Variants in AFDN observed in about 807,000 individuals in gnomAD.
AFDN encodes the protein afadin.
In AFDN, 68 loss-of-function variants were observed where a neutral mutation model predicts 216.6. That is an observed-to-expected ratio of 0.31 (90% CI 0.26 to 0.38). The LOEUF is 0.38. AFDN is among the 10% of genes least tolerant of loss of function. The pLI is 1.00. For synonymous variants in AFDN, 868 were observed against 853.7 expected, an observed-to-expected ratio of 1.02 and a Z score of -0.29; for missense variants, 2,136 against 2,342.0, an observed-to-expected ratio of 0.91 and a Z score of 1.82.
chr6:167,880,224 G>A, intron 5 of AFDN, 136 bp from the exon 6 acceptor site: 3 of 739,492 alleles, frequency 4.1e-6, no homozygotes, highest in Non-Finnish European at 6.7e-6. Context: ...TGAAACAATA[G>A]TTATTAGGCA....
At chr6:167,867,454 G>A (rs1327208758) in intron 2 of AFDN, among the ~76,000 whole-genome samples, 1 of 141,152 alleles carries the variant, frequency 7.1e-6, no homozygotes, top group African/African-American at 2.7e-5. Flanking sequence ...TTTTGAGACA[G>A]AGTCTCATTC....
chr6:167,860,221 T>G (rs539827258), intron 1 of AFDN, among the ~76,000 whole-genome samples: 1 of 148,176 alleles, frequency 6.7e-6, no homozygotes, highest in African/African-American at 2.5e-5. Flanking sequence ...TATAACTAGG[T>G]TGGCTGCAAC....
chr6:167,950,036 G>C (rs1276653058), intron 29 of AFDN, among the ~76,000 whole-genome samples: 1 of 152,186 alleles, frequency 6.6e-6, no homozygotes, highest in Non-Finnish European at 1.5e-5. Flanking sequence ...GCAGCAGGGA[G>C]CGGCGGTAGG....
chr6:167,838,509 T>C (rs1174230040), intron 1 of AFDN, among the ~76,000 whole-genome samples: 5 of 152,262 alleles, frequency 3.3e-5, no homozygotes, highest in Admixed American at 1.3e-4. Context: ...CAGTTAATTT[T>C]GTGTCATAAA....
In AFDN at chr6:167,962,577, C is replaced by T. The variant is rs868258320; in HGVS notation, c.4968+10C>T. The T allele has an allele frequency of 1.2e-6, 2 of 1,613,834 alleles. No homozygotes were observed. The highest frequency in any genetic ancestry group is 1.7e-6 in the Non-Finnish European group (2 of 1,179,818). ...AGACGCTGAAGAAAAGGTTATGGTC[C>T]TTTAAGGGCAGCTAGAATTTTACCA... On this transcript the variant is annotated intron_variant, in intron 31 of 33. Coordinates refer to ENST00000683244, the MANE Select transcript of AFDN (RefSeq NM_001386888.1). The surrounding 1 kb of genome is among the most constrained non-coding windows in gnomAD (Gnocchi z 5.2).
At chr6:167,908,883 T>A (rs1790043979) in intron 13 of AFDN, among the ~76,000 whole-genome samples, 1 of 152,176 alleles carries the variant, frequency 6.6e-6, no homozygotes, top group Non-Finnish European at 1.5e-5. Flanking sequence ...AAGCACTACT[T>A]AATTTAACTG....
At chr6:167,913,806 C>T (rs747334326) in intron 16 of AFDN, 2 of 388,156 alleles carry the variant, frequency 5.2e-6, no homozygotes. Flanking sequence ...ATCAGGGTGG[C>T]TGTGGGTAAC....
At position 167,962,155 on chromosome 6, in the gene AFDN, T is replaced by A. The variant is rs539943261; in HGVS notation, c.4834-278T>A. On this transcript the variant is annotated intron_variant, in intron 30 of 33. Transcript: ENST00000683244. The surrounding 1 kb of genome is among the most constrained non-coding windows in gnomAD (Gnocchi z 5.2). ...GTAAAAGAATTGTGCTTGTTGAATG[T>A]GTGAATGTAGATGATAAATTCCATC... 2.0e-5 allele frequency among the ~76,000 whole-genome samples: 3 copies of A among 152,342 alleles called. No individual in the cohort carries two copies. In the South Asian group the frequency reaches 6.2e-4, roughly 32 times the overall value.
rs574998974 is a variant in AFDN at position 167,850,179 on chromosome 6, G to A, written c.106-14372G>A. Among the ~76,000 whole-genome samples the A allele has an allele frequency of 5.9e-5, 9 of 152,244 alleles. No individual in the cohort carries two copies. The South Asian group carries it at 1.9e-3, about 32-fold the overall frequency. ...TTAGTTTGTAAAATTCCAGTTATAA[G>A]GCAGTAATAGTCATGTTACTCTACC... On this transcript the variant is annotated intron_variant, in intron 1 of 33. Transcript: ENST00000683244.
At chr6:167,872,403 CT>C (rs1404396210) in intron 4 of AFDN, 26 bp downstream of exon 4, 1 of 1,586,552 alleles carries the variant, frequency 6.3e-7, no homozygotes. Flanking sequence ...AAATGTTCCC[CT>C]TTCTTTGTGC....
At chr6:167,954,877 A>G (rs1342367482) in intron 30 of AFDN, among the ~76,000 whole-genome samples, 2 of 152,222 alleles carry the variant, frequency 1.3e-5, no homozygotes, top group African/African-American at 4.8e-5. Context: ...AACTCAGCTG[A>G]AAGGGTATTG....
chr6:167,952,107 G>C lies in AFDN; in HGVS notation c.4753G>C (p.Glu1585Gln), dbSNP rs201932853. ...KRLQESKQKD[E>Q]DDEEEEDDDV... ...ACTCCAGGAGTCGAAGCAGAAGGAC[G>C]AAGATGACGAGGAGGAGGAGGACGA... is the stretch of plus-strand genomic sequence containing the variant. Residue 1585 changes from glutamate (E) to glutamine (Q), a missense_variant, in exon 30 of 34, where the codon GAA (glutamate) becomes CAA (glutamine). This residue lies in a region of AFDN where 981 missense variants were observed against 966.0 expected (regional missense o/e 1.02). Coordinates refer to ENST00000683244, the MANE Select transcript of AFDN (RefSeq NM_001386888.1). The C allele has an allele frequency of 4.3e-6, 7 of 1,614,132 alleles. No homozygotes were observed. The highest frequency in any genetic ancestry group is 5.9e-6 in the Non-Finnish European group (7 of 1,180,022).
At chr6:167,849,141 G>A (rs1562547862) in intron 1 of AFDN, among the ~76,000 whole-genome samples, 1 of 135,062 alleles carries the variant, frequency 7.4e-6, no homozygotes, top group Non-Finnish European at 1.7e-5. Context: ...TTATGGGGTT[G>A]TTGTGAAAAT....
At chr6:167,934,345 C>T (rs1483967162) in intron 23 of AFDN, among the ~76,000 whole-genome samples, 1 of 152,188 alleles carries the variant, frequency 6.6e-6, no homozygotes, top group Non-Finnish European at 1.5e-5. Flanking sequence ...TTACCATGGA[C>T]TTCCAAGGTT....
intron 1 of AFDN, among the ~76,000 whole-genome samples, chr6:167,854,366 AT>A (rs1259048719): frequency 1.3e-5 from 2 of 151,598 alleles, no homozygotes; most frequent in East Asian, 3.9e-4. Flanking sequence ...CAAGTTGGAA[AT>A]TTTTTTCCCC....
intron 21 of AFDN, among the ~76,000 whole-genome samples, chr6:167,922,320 A>G (rs2128500044): frequency 6.6e-6 from 1 of 152,370 alleles, no homozygotes; most frequent in East Asian, 1.9e-4. Context: ...TAAGAAATTT[A>G]AATTAGTATG....
In AFDN at chr6:167,850,069, C is replaced by T. The variant is rs535335178; in HGVS notation, c.106-14482C>T. The stretch of plus-strand genomic sequence containing the variant: ...AACTGGAAGGGTAGGCAGGAGGTAC[C>T]GGTTGGCACCAAATATGCAGTTCAA... On this transcript the variant is annotated intron_variant, in intron 1 of 33. Transcript: ENST00000683244. Among the ~76,000 whole-genome samples, 5 of 152,202 alleles carry T rather than the reference C, an allele frequency of 3.3e-5. No homozygotes were observed. In the South Asian group the frequency reaches 6.2e-4, roughly 19 times the overall value.
intron 23 of AFDN, among the ~76,000 whole-genome samples, chr6:167,930,406 G>T (rs897233920): frequency 6.6e-5 from 10 of 152,142 alleles, no homozygotes; most frequent in African/African-American, 2.4e-4. Context: ...TATGAGTGAT[G>T]AATTATATGG....
intron 30 of AFDN, among the ~76,000 whole-genome samples, chr6:167,959,594 G>C (rs984970077): frequency 6.6e-6 from 1 of 152,068 alleles, no homozygotes; most frequent in African/African-American, 2.4e-5. Flanking sequence ...ACAGAGTCGT[G>C]TTTTCAGTAA....
Sources: gnomAD v4.1 joint callset for allele counts (sites outside exome capture counted in the v4.1 genomes callset) on GRCh38, gnomAD v4.1.1 for gene constraint, gnomAD v4.1.1 regional missense constraint, Gnocchi (gnomAD v3.1) non-coding constraint, MANE v1.5 for transcripts, NCBI Gene and HGNC (gene_info 2026-07-23, HGNC 2026-07-21) for gene names.